TMEM140: variants seen among roughly 807,000 people sequenced by gnomAD.
TMEM140 encodes transmembrane protein 140.
For synonymous variants in TMEM140, 107 were observed against 106.8 expected (o/e 1.00, Z -0.01); for missense variants, 236 against 228.5 (o/e 1.03, Z -0.21).
At chr7:135,152,864 C>T (rs766997746) in intron 1 of TMEM140, 1 of 152,142 alleles carries the variant, frequency 6.6e-6, no homozygotes, top group Non-Finnish European at 1.5e-5. Context: ...AAGTTCCATG[C>T]GGCAGTCCTC....
intron 1 of TMEM140, among the ~76,000 whole-genome samples, chr7:135,150,828 C>T (rs1020651163): frequency 5.3e-5 from 8 of 152,162 alleles, no homozygotes; most frequent in Non-Finnish European, 1.2e-4. Flanking sequence ...TGCATTCCAC[C>T]CTGGGTGACA....
At position 135,148,711 on chromosome 7, in the gene TMEM140, A is replaced by C. The variant is rs911113241; in HGVS notation, c.-25+441A>C. On this transcript the variant is annotated intron_variant, in intron 1 of 1. Transcript: ENST00000275767. ...CAATGGTAGTTACGAACACATCATA[A>C]AACTTTAAAATACACACTGAAGATT... 3.3e-5 allele frequency among the ~76,000 whole-genome samples: 5 copies of C among 152,226 alleles called. No homozygotes were observed. In the East Asian group the frequency reaches 9.6e-4, roughly 29 times the overall value.
At chr7:135,160,781 A>C (rs766995874) in intron 1 of TMEM140, among the ~76,000 whole-genome samples, 2 of 152,242 alleles carry the variant, frequency 1.3e-5, no homozygotes, top group Non-Finnish European at 2.9e-5. Context: ...TATCAAAATA[A>C]CAAAACTGAA....
At position 135,165,884 on chromosome 7, in the gene TMEM140, G is replaced by A. The variant is rs1830098964; in HGVS notation, c.*885G>A. 1 of 167,112 alleles carries A rather than the reference G, an allele frequency of 6.0e-6. No homozygotes were observed. Among genetic ancestry groups the A allele is most frequent in the Admixed American group, 6.5e-5 (1 of 15,294 alleles). The allele number at this position is 167,112 out of a possible 1,614,324, so 10.4% of individuals were successfully genotyped here. ...CCTGTCCAAAGCCACACTGAAAACA[G>A]AGGCAGAGACATGTACTCTGGTGTG... On this transcript the variant is annotated 3_prime_UTR_variant, in exon 2 of 2. Coordinates refer to ENST00000275767, the MANE Select transcript of TMEM140 (RefSeq NM_018295.5).
At chr7:135,158,081 G>A (rs908509634) in intron 1 of TMEM140, among the ~76,000 whole-genome samples, 7 of 152,226 alleles carry the variant, frequency 4.6e-5, no homozygotes, top group Non-Finnish European at 1.0e-4. Flanking sequence ...CTGGGCAGCA[G>A]CTTCAGCCAC....
chr7:135,158,520 G>C (rs1829850112), intron 1 of TMEM140, among the ~76,000 whole-genome samples: 1 of 152,254 alleles, frequency 6.6e-6, no homozygotes, highest in African/African-American at 2.4e-5. Flanking sequence ...TGGCAGGGCA[G>C]GGGGTCTTGT....
chr7:135,160,909 A>T (rs988284908), intron 1 of TMEM140, among the ~76,000 whole-genome samples: 1 of 152,196 alleles, frequency 6.6e-6, no homozygotes, highest in Admixed American at 6.5e-5. Context: ...GATTTAGAGA[A>T]GCAGAAAGTA....
At chr7:135,160,532 T>C (rs1261073392) in intron 1 of TMEM140, among the ~76,000 whole-genome samples, 1 of 152,108 alleles carries the variant, frequency 6.6e-6, no homozygotes, top group Admixed American at 6.5e-5. Flanking sequence ...AGGACTGACT[T>C]CCACCCTCTC....
chr7:135,158,694 G>A (rs1028591958), intron 1 of TMEM140, among the ~76,000 whole-genome samples: 5 of 124,418 alleles, frequency 4.0e-5, no homozygotes, highest in African/African-American at 1.4e-4. Context: ...TCCCAGACAA[G>A]CAGTGTGGAA....
intron 1 of TMEM140, chr7:135,152,865 G>A (rs930314965): frequency 5.3e-5 from 8 of 152,140 alleles, no homozygotes; most frequent in Non-Finnish European, 7.3e-5. Context: ...AGTTCCATGC[G>A]GCAGTCCTCA....
Position 135,151,379 on chromosome 7 carries a change from A to C in TMEM140, c.-25+3109A>C, listed in dbSNP as rs541738844. On this transcript the variant is annotated intron_variant, in intron 1 of 1. Transcript: ENST00000275767. The surrounding 1 kb of genome is among the most constrained non-coding windows in gnomAD (Gnocchi z 4.3). The stretch of plus-strand genomic sequence containing the variant: ...TTTATTTTTGTGACAGCCACACCTA[A>C]ACCATGAGCACACTGATCTTCAATG... Among the ~76,000 whole-genome samples the C allele has an allele frequency of 6.6e-6, 1 of 152,296 alleles. No individual in the cohort carries two copies. The highest frequency in any genetic ancestry group is 6.5e-5 in the Admixed American group (1 of 15,302).
chr7:135,156,201 AT>A (rs1829788941), intron 1 of TMEM140, among the ~76,000 whole-genome samples: 1 of 152,194 alleles, frequency 6.6e-6, no homozygotes, highest in Non-Finnish European at 1.5e-5. Flanking sequence ...GACTTCAGAC[AT>A]TTTGAATATG....
rs1830054385 is a variant in TMEM140 at position 135,164,952 on chromosome 7, T to C, written c.511T>C (p.Phe171Leu). 3.7e-6 allele frequency: 6 copies of C among 1,611,394 alleles called. No homozygotes were observed. Among genetic ancestry groups the C allele is most frequent in the African/African-American group, 1.3e-5 (1 of 74,924 alleles). ...LILLLIAMAV[F>L]PLRAERAESK... is the part of the protein sequence containing the mutation. The stretch of plus-strand genomic sequence containing the variant: ...CCTCTTGCTTATAGCCATGGCTGTG[T>C]TCCCTCTGAGGGCTGAGAGGGCTGA... Residue 171 changes from phenylalanine to leucine, a missense_variant, in exon 2 of 2, where the codon TTC becomes CTC. Coordinates refer to ENST00000275767, the MANE Select transcript of TMEM140 (RefSeq NM_018295.5).
At chr7:135,156,649 C>T (rs1829801163) in intron 1 of TMEM140, among the ~76,000 whole-genome samples, 1 of 152,060 alleles carries the variant, frequency 6.6e-6, no homozygotes, top group Non-Finnish European at 1.5e-5. Context: ...TTTCAGATTT[C>T]TCTTGCACTT....
At position 135,165,028 on chromosome 7, in the gene TMEM140, C is replaced by A; in HGVS notation, c.*29C>A. ...CTTACGTGATTGCAAGGGTTCAGTT[C>A]CAACCATGGTCAGAGGTGGCACATC... On this transcript the variant is annotated 3_prime_UTR_variant, in exon 2 of 2. Transcript: ENST00000275767. 2 of 1,539,206 alleles carry A rather than the reference C, an allele frequency of 1.3e-6. No individual in the cohort carries two copies. The highest frequency in any genetic ancestry group is 2.5e-5 in the South Asian group (2 of 79,426).
chr7:135,151,509 T>TA lies in TMEM140; in HGVS notation c.-25+3241dup, dbSNP rs1268824765. 6.6e-6 allele frequency among the ~76,000 whole-genome samples: 1 copy of TA among 152,204 alleles called. No homozygotes were observed. Among genetic ancestry groups the TA allele is most frequent in the Non-Finnish European group, 1.5e-5 (1 of 68,032 alleles). ...CTCTGTTGCCCCGGCTTTATTCTGC[T>TA]AACATTTTCTTCCCAGTTCTCCTCT... On this transcript the variant is annotated intron_variant, in intron 1 of 1. Transcript: ENST00000275767. The surrounding 1 kb of genome is among the most constrained non-coding windows in gnomAD (Gnocchi z 4.3).
At chr7:135,155,913 T>C (rs532333158) in intron 1 of TMEM140, among the ~76,000 whole-genome samples, 1 of 152,360 alleles carries the variant, frequency 6.6e-6, no homozygotes, top group South Asian at 2.1e-4. Context: ...GCATTTCCTG[T>C]AGTACCAGTC....
rs572834280 is a variant in TMEM140, at chr7:135,158,115, G to A, written c.-24-6303G>A. The stretch of plus-strand genomic sequence containing the variant: ...ACATCAAGTTGAACTCAGCAAGAAG[G>A]TGGGGCACAGCCCAGCATTAAACTC... On this transcript the variant is annotated intron_variant, in intron 1 of 1. Transcript: ENST00000275767. 3.3e-5 allele frequency among the ~76,000 whole-genome samples: 5 copies of A among 152,306 alleles called. No individual in the cohort carries two copies. The East Asian group carries it at 7.7e-4, about 24-fold the overall frequency.
chr7:135,164,332 G>A, intron 1 of TMEM140, 86 bp from the exon 2 acceptor site: 1 of 1,161,884 alleles, frequency 8.6e-7, no homozygotes, highest in South Asian at 1.5e-5. Flanking sequence ...GAGTTTGTAA[G>A]AAATGCCAAA....
Sources: gnomAD v4.1 joint callset for allele counts (sites outside exome capture counted in the v4.1 genomes callset) on GRCh38, gnomAD v4.1.1 for gene constraint, Gnocchi (gnomAD v3.1) non-coding constraint, MANE v1.5 for transcripts, NCBI Gene and HGNC (gene_info 2026-07-23, HGNC 2026-07-21) for gene names.